DGKG: variants seen among roughly 807,000 people sequenced by gnomAD.
The protein encoded by DGKG is diacylglycerol kinase gamma, also known as DAG kinase gamma.
Under a neutral mutation model 105.3 loss-of-function variants are expected in DGKG, and 78 were observed. That is an observed-to-expected ratio of 0.74 (90% CI 0.62 to 0.89). The LOEUF is 0.89. DGKG is among the 40% of genes least tolerant of loss of function. The pLI is 0.00. For synonymous variants in DGKG, 346 were observed against 367.1 expected (o/e 0.94, Z 0.66); for missense variants, 958 against 1,020.1 (o/e 0.94, Z 0.83).
chr3:186,330,082 G>T (rs1725530639), intron 1 of DGKG, among the ~76,000 whole-genome samples: 1 of 152,178 alleles, frequency 6.6e-6, no homozygotes, highest in Non-Finnish European at 1.5e-5. Flanking sequence ...CCCTATAGAG[G>T]AGGAACTGGG....
intron 21 of DGKG, among the ~76,000 whole-genome samples, chr3:186,191,296 T>C (rs1441046034): frequency 6.6e-6 from 1 of 152,278 alleles, no homozygotes; most frequent in Non-Finnish European, 1.5e-5. Flanking sequence ...TTGTTAATAA[T>C]CTATTCTAGA....
intron 5 of DGKG, among the ~76,000 whole-genome samples, chr3:186,289,254 A>G (rs1332299349): frequency 6.6e-6 from 1 of 152,186 alleles, no homozygotes; most frequent in Non-Finnish European, 1.5e-5. Context: ...GGATTTCAAA[A>G]TGGTAAATGG....
At chr3:186,356,543 T>C (rs1578878200) in intron 1 of DGKG, among the ~76,000 whole-genome samples, 2 of 152,318 alleles carry the variant, frequency 1.3e-5, no homozygotes, top group East Asian at 3.9e-4. Flanking sequence ...GATTCTTAAT[T>C]AGACCTTAAA....
chr3:186,265,188 C>G, intron 14 of DGKG, 59 bp downstream of exon 14: 1 of 1,553,474 alleles, frequency 6.4e-7, no homozygotes, highest in Non-Finnish European at 8.9e-7. Context: ...CCCCGTCTTG[C>G]CCGCCACAGC....
chr3:186,224,266 G>A (rs1055288892), intron 20 of DGKG, among the ~76,000 whole-genome samples: 1 of 152,176 alleles, frequency 6.6e-6, no homozygotes, highest in African/African-American at 2.4e-5. Flanking sequence ...CAGAAGAACA[G>A]TCGTTCTCAG....
intron 17 of DGKG, 135 bp downstream of exon 17, chr3:186,257,719 T>G: frequency 1.6e-6 from 1 of 632,742 alleles, no homozygotes; most frequent in South Asian, 2.0e-5. Flanking sequence ...AAATATTTAG[T>G]CAAGTGTTGG....
intron 19 of DGKG, among the ~76,000 whole-genome samples, chr3:186,244,526 T>C (rs1021187773): frequency 6.6e-6 from 1 of 151,704 alleles, no homozygotes; most frequent in African/African-American, 2.4e-5. Flanking sequence ...CGCTTCAGCC[T>C]CATGAGTAGC....
intron 1 of DGKG, among the ~76,000 whole-genome samples, chr3:186,343,569 G>A (rs544006535): frequency 6.6e-6 from 1 of 152,240 alleles, no homozygotes; most frequent in South Asian, 2.1e-4. Flanking sequence ...TTATGTGTGA[G>A]CCACTGCACC....
intron 20 of DGKG, 81 bp downstream of exon 20, chr3:186,242,423 T>G: frequency 2.3e-6 from 3 of 1,286,730 alleles, no homozygotes; most frequent in East Asian, 2.4e-5. Flanking sequence ...GCTGGGAAAA[T>G]TTCCAGAGAG....
chr3:186,243,821 T>C (rs1720800170), intron 19 of DGKG, among the ~76,000 whole-genome samples: 1 of 150,734 alleles, frequency 6.6e-6, no homozygotes, highest in Non-Finnish European at 1.5e-5. Flanking sequence ...ACAAAACACT[T>C]GAAATTCCAT....
intron 20 of DGKG, among the ~76,000 whole-genome samples, chr3:186,229,109 C>G (rs759891604): frequency 2.0e-5 from 3 of 152,124 alleles, no homozygotes; most frequent in Non-Finnish European, 2.9e-5. Context: ...CAAAGATTTG[C>G]GTGACTGATA....
Position 186,248,753 on chromosome 3 carries a change from C to T in DGKG, c.1761+3006G>A, listed in dbSNP as rs145459292. Among the ~76,000 whole-genome samples, 470 of 152,302 alleles carry T rather than the reference C, an allele frequency of 3.1e-3. 4 individuals are homozygous for T. Among genetic ancestry groups the T allele is most frequent in the Middle Eastern group, 6.8e-3 (2 of 294 alleles). ...TCAAGGAGGCACAAAGCTCAGTGGTCCACAGCTCAGTTGGCTCTAGAGTTC... is the reference window on the plus strand; with the variant it reads ...TCAAGGAGGCACAAAGCTCAGTGGTTCACAGCTCAGTTGGCTCTAGAGTTC... On this transcript the variant is annotated intron_variant, in intron 19 of 24. Coordinates refer to ENST00000265022, the MANE Select transcript of DGKG (RefSeq NM_001346.3).
chr3:186,311,307 C>A (rs1359605575), intron 2 of DGKG, among the ~76,000 whole-genome samples: 1 of 151,982 alleles, frequency 6.6e-6, no homozygotes, highest in African/African-American at 2.4e-5. Context: ...ATACTTATTG[C>A]CAAGGGAAAA....
At chr3:186,261,644 A>C in intron 15 of DGKG, 55 bp downstream of exon 15, 25 of 1,183,012 alleles carry the variant, frequency 2.1e-5, no homozygotes, top group Non-Finnish European at 2.9e-5. Context: ...AAGGGGAGGA[A>C]GGGCCTGAGT....
rs1348784442 is a variant in DGKG, at chr3:186,148,637, CA to C, written c.*1452del. 18 of 985,228 alleles carry C rather than the reference CA, an allele frequency of 1.8e-5. No homozygotes were observed. Among genetic ancestry groups the C allele is most frequent in the African/African-American group, 3.5e-5 (2 of 57,180 alleles). The allele number at this position is 985,228 out of a possible 1,614,324, so 61.0% of individuals were successfully genotyped here. A position where few individuals can be genotyped will look rare whatever the true frequency, so the allele number is the denominator to read the frequency against. The stretch of plus-strand genomic sequence containing the variant: ...TGTAACGGCACCTACTCTCAAGCTG[CA>C]TTAGCCAAGACACCATGGAAAAGTC... On this transcript the variant is annotated 3_prime_UTR_variant, in exon 25 of 25. Coordinates refer to ENST00000265022, the MANE Select transcript of DGKG (RefSeq NM_001346.3).
Position 186,149,740 on chromosome 3 carries a change from G to A in DGKG, c.*350C>T, listed in dbSNP as rs1412570513. 7.7e-5 allele frequency: 80 copies of A among 1,036,684 alleles called. No individual in the cohort carries two copies. The highest frequency in any genetic ancestry group is 9.3e-5 in the Non-Finnish European group (80 of 861,510). 64.2% of individuals were successfully genotyped at this position (1,036,684 alleles called of 1,614,324 possible). Reference sequence around the variant, plus strand: ...CTCGCGAGCGTCCATGAGGAAACTTGCAGGGCTGGTAGAAAGAAAGGGGGA... The same window carrying A: ...CTCGCGAGCGTCCATGAGGAAACTTACAGGGCTGGTAGAAAGAAAGGGGGA... On this transcript the variant is annotated 3_prime_UTR_variant, in exon 25 of 25. Transcript: ENST00000265022.
chr3:186,314,301 G>GT (rs1386620292), intron 2 of DGKG, among the ~76,000 whole-genome samples: 1 of 151,988 alleles, frequency 6.6e-6, no homozygotes. Flanking sequence ...AAGCAAATGA[G>GT]TTTGTACTAG....
rs1715582065 is a variant in DGKG at position 186,148,037 on chromosome 3, C to A, written c.*2053G>T. On this transcript the variant is annotated 3_prime_UTR_variant, in exon 25 of 25. Transcript: ENST00000265022. ...CATTTGTACACACAATCTTAATATT[C>A]CCTTCTTTGTCCAAAGCTCCTGTCC... is the stretch of plus-strand genomic sequence containing the variant. The A allele has an allele frequency of 1.0e-6, 1 of 985,324 alleles. No individual in the cohort carries two copies. The highest frequency in any genetic ancestry group is 6.1e-5 in the Admixed American group (1 of 16,268). 61.0% of individuals were successfully genotyped at this position (985,324 alleles called of 1,614,324 possible).
chr3:186,228,525 G>C (rs1382278406), intron 20 of DGKG, among the ~76,000 whole-genome samples: 1 of 152,108 alleles, frequency 6.6e-6, no homozygotes, highest in African/African-American at 2.4e-5. Flanking sequence ...CCACTCCTAG[G>C]ATAAGATGCA....
Sources: allele counts gnomAD v4.1 joint callset (sites outside exome capture counted in the v4.1 genomes callset), GRCh38; gene constraint gnomAD v4.1.1; transcripts MANE v1.5; gene names NCBI Gene and HGNC (gene_info 2026-07-23, HGNC 2026-07-21).